The following CSNK2A1 variants were observed in gnomAD, a reference collection of about 807,000 sequenced individuals.
CSNK2A1 encodes the protein casein kinase 2 alpha 1.
A neutral mutation model predicts 62.9 loss-of-function variants in CSNK2A1; 10 were observed. That is an observed-to-expected ratio of 0.16 (90% confidence interval 0.10 to 0.27). The LOEUF is 0.27. Among genes scored for constraint, CSNK2A1 ranks in the 10% least tolerant of loss-of-function variants. The probability of loss-of-function intolerance (pLI) is 1.00; values close to 1 mark genes in which losing one functional copy is unlikely to be tolerated. For missense variants in CSNK2A1, 160 were observed against 492.0 expected (o/e 0.33, Z 6.38); for synonymous variants, 124 against 167.8 (o/e 0.74, Z 2.02).
intron 2 of CSNK2A1, among the ~76,000 whole-genome samples, chr20:523,589 G>A (rs1049943787): frequency 6.6e-6 from 1 of 152,098 alleles, no homozygotes; most frequent in Non-Finnish European, 1.5e-5. Flanking sequence ...TGACATTCAC[G>A]AAAAGATAAA....
intron 13 of CSNK2A1, among the ~76,000 whole-genome samples, chr20:484,720 G>GTA (rs1399221116): frequency 3.9e-5 from 6 of 151,940 alleles, no homozygotes; most frequent in African/African-American, 1.2e-4. Flanking sequence ...GTGTGTGTGT[G>GTA]TGTGTACACA....
intron 1 of CSNK2A1, among the ~76,000 whole-genome samples, chr20:537,061 TA>T (rs1265182200): frequency 6.6e-6 from 1 of 152,308 alleles, no homozygotes; most frequent in African/African-American, 2.4e-5. Flanking sequence ...ATTAAAGCAT[TA>T]GTCATAACTT....
In CSNK2A1 at chr20:482,713, G is replaced by A. The variant is rs1013886248; in HGVS notation, c.*1248C>T. 3 of 152,574 alleles carry A rather than the reference G, an allele frequency of 2.0e-5. No individual in the cohort carries two copies. The highest frequency in any genetic ancestry group is 6.5e-5 in the Admixed American group (1 of 15,278). The allele number at this position is 152,574 out of a possible 1,614,324, so 9.5% of individuals were successfully genotyped here. On this transcript the variant is annotated 3_prime_UTR_variant, in exon 14 of 14. Coordinates refer to ENST00000217244, the MANE Select transcript of CSNK2A1 (RefSeq NM_177559.3). ...CTAACCTTGATAAATAAAACCAAAC[G>A]TTTATTTACACCAAAGAATTCCAAC... is the stretch of plus-strand genomic sequence containing the variant.
intron 1 of CSNK2A1, 132 bp downstream of exon 1, chr20:543,540 G>A (rs1382716690): frequency 7.6e-6 from 3 of 396,024 alleles, no homozygotes; most frequent in Non-Finnish European, 1.3e-5. Context: ...GTTTATGTGT[G>A]AAGGTGGGGG....
intron 11 of CSNK2A1, chr20:487,850 G>A (rs2018131918): frequency 2.2e-6 from 1 of 456,930 alleles, no homozygotes; most frequent in Admixed American, 3.5e-5. Context: ...CCGCTTCTGT[G>A]TAGCAAGGAG....
rs2122543041 is a variant in CSNK2A1 at position 499,317 on chromosome 20, G to A, written c.316-12C>T. On this transcript the variant is annotated splice_polypyrimidine_tract_variant and intron_variant, in intron 5 of 13. Coordinates refer to ENST00000217244, the MANE Select transcript of CSNK2A1 (RefSeq NM_177559.3). The surrounding 1 kb of genome is among the most constrained non-coding windows in gnomAD (Gnocchi z 4.2). ...GCGGGGGTTCGTGACTAGGGGAAAAGAACAAAAACAAAAACACACATTAGC... is the reference window on the plus strand; with the variant it reads ...GCGGGGGTTCGTGACTAGGGGAAAAAAACAAAAACAAAAACACACATTAGC... 11 of 1,607,950 alleles carry A rather than the reference G, an allele frequency of 6.8e-6. No homozygotes were observed. Among genetic ancestry groups the A allele is most frequent in the Non-Finnish European group, 9.3e-6 (11 of 1,177,542 alleles).
chr20:496,961 G>A lies in CSNK2A1; in HGVS notation c.426+760C>T, dbSNP rs544251930. On this transcript the variant is annotated intron_variant, in intron 7 of 13. Transcript: ENST00000217244. Reference sequence around the variant, plus strand: ...GATAAAGTATACCAGAAGCTAGCACGTCAGGTGTTTTCACGAGTTTTGAAA... The same window carrying A: ...GATAAAGTATACCAGAAGCTAGCACATCAGGTGTTTTCACGAGTTTTGAAA... Among the ~76,000 whole-genome samples the A allele has an allele frequency of 2.8e-4, 42 of 152,280 alleles. No homozygotes were observed. The South Asian group carries it at 6.0e-3, about 22-fold the overall frequency.
Position 530,625 on chromosome 20 carries a change from C to T in CSNK2A1, c.-226-2576G>A, listed in dbSNP as rs2019193467. ...AGTAGCTGGGACTATGGGTGTGCGC[C>T]ACCACGCCCAGTTAATTTTCTGCAT... On this transcript the variant is annotated intron_variant, in intron 1 of 13. Coordinates refer to ENST00000217244, the MANE Select transcript of CSNK2A1 (RefSeq NM_177559.3). 2.0e-5 allele frequency among the ~76,000 whole-genome samples: 3 copies of T among 151,998 alleles called. 1 individual carries two copies. The highest frequency in any genetic ancestry group is 7.3e-5 in the African/African-American group (3 of 41,366).
chr20:482,085 T>TA lies in CSNK2A1; in HGVS notation c.*1875dup. The stretch of plus-strand genomic sequence containing the variant: ...ATATTCACTAAAGCCACCACCTTGA[T>TA]AAAGTTACTAAAGCCAAGATGGGTT... On this transcript the variant is annotated 3_prime_UTR_variant, in exon 14 of 14. Transcript: ENST00000217244. 6.6e-6 allele frequency: 1 copy of TA among 152,194 alleles called. No individual in the cohort carries two copies. Among genetic ancestry groups the TA allele is most frequent in the African/African-American group, 2.4e-5 (1 of 41,446 alleles). The allele number at this position is 152,194 out of a possible 1,614,324, so 9.4% of individuals were successfully genotyped here.
intron 1 of CSNK2A1, among the ~76,000 whole-genome samples, chr20:538,329 A>G (rs2019378269): frequency 6.6e-6 from 1 of 152,228 alleles, no homozygotes; most frequent in South Asian, 2.1e-4. Context: ...GACTAGCTCT[A>G]GGGCTGAGAT....
chr20:499,542 G>A lies in CSNK2A1; in HGVS notation c.316-237C>T, dbSNP rs562296586. The A allele has an allele frequency of 2.1e-4, 116 of 551,822 alleles. 1 individual carries two copies. Among genetic ancestry groups the A allele is most frequent in the East Asian group, 1.8e-3 (61 of 34,040 alleles). 34.2% of individuals were successfully genotyped at this position (551,822 alleles called of 1,614,324 possible). A position where few individuals can be genotyped will look rare whatever the true frequency, so the allele number is the denominator to read the frequency against. On this transcript the variant is annotated intron_variant, in intron 5 of 13. Coordinates refer to ENST00000217244, the MANE Select transcript of CSNK2A1 (RefSeq NM_177559.3). The surrounding 1 kb of genome is among the most constrained non-coding windows in gnomAD (Gnocchi z 4.2). ...AGTCTCACCAGGCTCTAGGCAGCCC[G>A]ACAATGCGCCCATCGCCCATCGGCA...
At position 478,038 on chromosome 20, in the gene CSNK2A1, G is replaced by A. The variant is rs7267444; in HGVS notation, c.*5923C>T. 1.6e-3 allele frequency: 236 copies of A among 151,446 alleles called. No individual in the cohort carries two copies. The highest frequency in any genetic ancestry group is 5.1e-3 in the African/African-American group (212 of 41,190). 9.4% of individuals were successfully genotyped at this position (151,446 alleles called of 1,614,324 possible). ...CTAGGATTTTTTTTTTAAAACAGTT[G>A]GAATTATCCCATATACACAATTTTT... On this transcript the variant is annotated 3_prime_UTR_variant, in exon 14 of 14. Transcript: ENST00000217244.
chr20:513,404 T>G (rs768310134), intron 2 of CSNK2A1, among the ~76,000 whole-genome samples: 1 of 152,226 alleles, frequency 6.6e-6, no homozygotes. Context: ...ATGAAATGCA[T>G]GTAAATTTGT....
rs74119 is a variant in CSNK2A1 at position 508,286 on chromosome 20, C to T, written c.101+165G>A. On this transcript the variant is annotated intron_variant, in intron 3 of 13. Transcript: ENST00000217244. ...TCACTTGCCAAAGCAACTCTGCTTC[C>T]TCACTGCAAAACCAAATTTTCAGCT... is the stretch of plus-strand genomic sequence containing the variant. 0.84 allele frequency: 521,850 copies of T among 624,968 alleles called. 219,018 individuals carry two copies. The highest frequency in any genetic ancestry group is 1 in the East Asian group (32,375 of 32,468). 38.7% of individuals were successfully genotyped at this position (624,968 alleles called of 1,614,324 possible). A position where few individuals can be genotyped will look rare whatever the true frequency, so the allele number is the denominator to read the frequency against.
At chr20:488,966 C>T in intron 10 of CSNK2A1, 188 bp from the exon 11 acceptor site, 1 of 487,446 alleles carries the variant, frequency 2.1e-6, no homozygotes, top group Non-Finnish European at 3.6e-6. Flanking sequence ...AAACTGGTTT[C>T]TTCCTCTTGA....
At chr20:493,260 G>A (rs570597067) in intron 8 of CSNK2A1, among the ~76,000 whole-genome samples, 1 of 151,972 alleles carries the variant, frequency 6.6e-6, no homozygotes, top group Non-Finnish European at 1.5e-5. Flanking sequence ...ATCATATTGT[G>A]ACCATTATCA....
intron 1 of CSNK2A1, among the ~76,000 whole-genome samples, chr20:531,547 T>C (rs1214097825): frequency 6.6e-6 from 1 of 152,084 alleles, no homozygotes; most frequent in Non-Finnish European, 1.5e-5. Flanking sequence ...CTGGTAAATG[T>C]ATATAAAGCA....
chr20:540,099 T>C (rs187996037), intron 1 of CSNK2A1: 4 of 152,362 alleles, frequency 2.6e-5, no homozygotes, highest in African/African-American at 9.6e-5. Context: ...CCCTGATTCT[T>C]TTATGAAAAG....
chr20:513,968 G>A (rs1033402830), intron 2 of CSNK2A1, among the ~76,000 whole-genome samples: 3 of 152,114 alleles, frequency 2.0e-5, no homozygotes, highest in Admixed American at 6.6e-5. Context: ...TTAATTATAC[G>A]GGAAAATAAA....
Sources: gnomAD v4.1 joint callset for allele counts (sites outside exome capture counted in the v4.1 genomes callset) on GRCh38, gnomAD v4.1.1 for gene constraint, Gnocchi (gnomAD v3.1) non-coding constraint, MANE v1.5 for transcripts, NCBI Gene and HGNC (gene_info 2026-07-23, HGNC 2026-07-21) for gene names.